WDR1: variants seen among roughly 807,000 people sequenced by gnomAD.
WDR1 encodes WD repeat domain 1, also known as WD repeat-containing protein 1.
Under a neutral mutation model 71.9 loss-of-function variants are expected in WDR1, and 21 were observed. That is an observed-to-expected ratio of 0.29 (90% confidence interval 0.21 to 0.42). WDR1 has a LOEUF of 0.42. WDR1 is among the 10% of genes least tolerant of loss of function. WDR1 has a pLI of 1.00. For synonymous variants in WDR1, 424 were observed against 347.4 expected, an observed-to-expected ratio of 1.22 and a Z score of -2.45; for missense variants, 696 against 824.5, an observed-to-expected ratio of 0.84 and a Z score of 1.91.
chr4:10,083,534 G>A (rs1484006765), intron 9 of WDR1: 3 of 475,110 alleles, frequency 6.3e-6, no homozygotes, highest in South Asian at 3.1e-5. Context: ...AGGGTGGCAT[G>A]TCTGCCCTCC....
intron 11 of WDR1, among the ~76,000 whole-genome samples, chr4:10,079,543 T>G (rs2109637675): frequency 6.6e-6 from 1 of 152,330 alleles, no homozygotes; most frequent in African/African-American, 2.4e-5. Context: ...CACTGGGCCT[T>G]TGCCTCTGGT....
intron 5 of WDR1, among the ~76,000 whole-genome samples, chr4:10,093,640 G>A (rs1484023812): frequency 6.6e-6 from 1 of 152,174 alleles, no homozygotes; most frequent in Non-Finnish European, 1.5e-5. Flanking sequence ...AACCGTCCTT[G>A]GGGCACCTAC....
intron 3 of WDR1, among the ~76,000 whole-genome samples, chr4:10,100,428 T>G (rs147199642): frequency 8.1e-4 from 124 of 152,286 alleles, no homozygotes; most frequent in Non-Finnish European, 1.4e-3. Flanking sequence ...CAGCAAGAGC[T>G]CGTTACGAGT....
intron 11 of WDR1, 73 bp from the exon 12 acceptor site, chr4:10,079,074 C>T (rs1384024147): frequency 8.7e-6 from 11 of 1,266,118 alleles, no homozygotes; most frequent in African/African-American, 4.5e-5. Context: ...AGGAGGGGCG[C>T]GTCCCTGTCG....
At chr4:10,083,920 G>C (rs558873663) in intron 9 of WDR1, among the ~76,000 whole-genome samples, 7 of 152,372 alleles carry the variant, frequency 4.6e-5, no homozygotes, top group African/African-American at 1.7e-4. Context: ...AGGGCCACAA[G>C]GCACCTCGCA....
intron 5 of WDR1, 122 bp from the exon 6 acceptor site, chr4:10,088,863 T>G (rs547723093): frequency 2.5e-6 from 2 of 792,284 alleles, no homozygotes; most frequent in South Asian, 3.1e-5. Flanking sequence ...GTTAGTCCAC[T>G]GGAAAATTTC....
chr4:10,083,530 G>A (rs1765095464), intron 9 of WDR1: 7 of 475,942 alleles, frequency 1.5e-5, no homozygotes, highest in South Asian at 7.7e-5. Context: ...GCAGAGGGTG[G>A]CATGTCTGCC....
intron 4 of WDR1, among the ~76,000 whole-genome samples, chr4:10,098,294 T>C (rs1309418269): frequency 6.6e-6 from 1 of 152,186 alleles, no homozygotes; most frequent in East Asian, 1.9e-4. Context: ...TTAGTTACTA[T>C]TTGCTACTGA....
Position 10,116,699 on chromosome 4 carries a change from G to T in WDR1, c.-33C>A, listed in dbSNP as rs367649502. 6.0e-4 allele frequency: 804 copies of T among 1,350,058 alleles called. 10 individuals carry two copies. In the East Asian group the frequency reaches 0.022, roughly 36 times the overall value. The allele number at this position is 1,350,058 out of a possible 1,614,324, so 83.6% of individuals were successfully genotyped here. On this transcript the variant is annotated 5_prime_UTR_variant, in exon 1 of 15. Coordinates refer to ENST00000499869, the MANE Select transcript of WDR1 (RefSeq NM_017491.5). ...CACTTGTTACCGCGCCGCGCTCGCC[G>T]AGAGCCTCCGGGGCCGGCCCGCGCT...
intron 3 of WDR1, 60 bp downstream of exon 3, chr4:10,103,836 G>A (rs559635652): frequency 1.7e-6 from 2 of 1,170,008 alleles, no homozygotes; most frequent in Admixed American, 2.6e-5. Flanking sequence ...GCTTCGCCCT[G>A]GGCCCTGAGC....
intron 4 of WDR1, 23 bp downstream of exon 4, chr4:10,098,969 A>C (rs1712522186): frequency 2.5e-6 from 4 of 1,613,714 alleles, no homozygotes; most frequent in Non-Finnish European, 3.4e-6. Context: ...CAGGGCAGGG[A>C]GGGGCTGAGA....
rs542341306 is a variant in WDR1 at position 10,078,086 on chromosome 4, T to C, written c.1396-160A>G. Among the ~76,000 whole-genome samples, 15 of 152,334 alleles carry C rather than the reference T, an allele frequency of 9.8e-5. No individual in the cohort carries two copies. The South Asian group carries it at 2.7e-3, about 27-fold the overall frequency. ...AGCTGGGCATGGCTCTTCCCGTGGATGGGCCTGAAACCTACGCAGCTCTAT... is the reference window on the plus strand; with the variant it reads ...AGCTGGGCATGGCTCTTCCCGTGGACGGGCCTGAAACCTACGCAGCTCTAT... On this transcript the variant is annotated intron_variant, in intron 12 of 14. Coordinates refer to ENST00000499869, the MANE Select transcript of WDR1 (RefSeq NM_017491.5).
chr4:10,116,585 A>C, intron 1 of WDR1, 66 bp downstream of exon 1: 1 of 1,116,936 alleles, frequency 9.0e-7, no homozygotes, highest in South Asian at 4.3e-5. Flanking sequence ...CACGGCGCCT[A>C]GGGGCCGGGG....
chr4:10,090,875 G>A (rs956774590), intron 5 of WDR1, among the ~76,000 whole-genome samples: 3 of 152,264 alleles, frequency 2.0e-5, no homozygotes, highest in African/African-American at 7.2e-5. Flanking sequence ...ATTTCAGGGA[G>A]TGCTGTCATG....
intron 1 of WDR1, 134 bp from the exon 2 acceptor site, chr4:10,116,368 C>G (rs751635551): frequency 3.0e-6 from 4 of 1,346,650 alleles, no homozygotes; most frequent in Non-Finnish European, 4.1e-6. Flanking sequence ...CCACTTTCCA[C>G]GAGCGCCAGG....
In WDR1 at chr4:10,088,753, C is replaced by G. The variant is rs542694844; in HGVS notation, c.559-12G>C. On this transcript the variant is annotated splice_polypyrimidine_tract_variant and intron_variant, in intron 5 of 14. Transcript: ENST00000499869. ...AAGCGGCTGTGGTCCTGCAGGAAAA[C>G]AATTACCTGCCTGATGAGGGGCCGC... 6.3e-7 allele frequency: 1 copy of G among 1,582,522 alleles called. No homozygotes were observed. The highest frequency in any genetic ancestry group is 2.3e-5 in the East Asian group (1 of 43,428).
chr4:10,092,083 C>G (rs576278014), intron 5 of WDR1: 1 of 152,456 alleles, frequency 6.6e-6, no homozygotes, highest in East Asian at 1.9e-4. Context: ...CCTTGGCCAG[C>G]ACAGCCTCGC....
At chr4:10,099,174 C>CGGG in intron 3 of WDR1, 35 bp from the exon 4 acceptor site, 4 of 109,368 alleles carry the variant, frequency 3.7e-5, no homozygotes, top group Non-Finnish European at 5.4e-5. Context: ...GGGGGGGAGG[C>CGGG]GGTGGTGGGG....
chr4:10,087,177 C>G (rs1157884090), intron 8 of WDR1, among the ~76,000 whole-genome samples: 1 of 152,242 alleles, frequency 6.6e-6, no homozygotes, highest in Non-Finnish European at 1.5e-5. Flanking sequence ...TCCCATCGCT[C>G]CCTTATGGAA....
Sources: allele counts gnomAD v4.1 joint callset (sites outside exome capture counted in the v4.1 genomes callset), GRCh38; gene constraint gnomAD v4.1.1; transcripts MANE v1.5; gene names NCBI Gene and HGNC (gene_info 2026-07-23, HGNC 2026-07-21).